Variants in AXDND1 observed in about 807,000 individuals in gnomAD.
AXDND1 encodes axonemal dynein light chain domain-containing protein 1.
In AXDND1, 110 loss-of-function variants were observed where a neutral mutation model predicts 137.5. The observed-to-expected ratio is 0.80, with a 90% CI of 0.69 to 0.94. The LOEUF is 0.94. Among genes scored for constraint, AXDND1 ranks in the 40% least tolerant of loss-of-function variants. The pLI is 0.00. For synonymous variants in AXDND1, 414 were observed against 399.7 expected (o/e 1.04, Z -0.43); for missense variants, 1,191 against 1,169.8 (o/e 1.02, Z -0.26).
At chr1:179,444,250 T>C (rs572889642) in intron 15 of AXDND1, among the ~76,000 whole-genome samples, 6 of 152,244 alleles carry the variant, frequency 3.9e-5, no homozygotes, top group Admixed American at 3.3e-4. Context: ...GCAAGTCTTA[T>C]AATCTCCATG....
chr1:179,456,656 A>G (rs1661453396), intron 16 of AXDND1: 1 of 849,552 alleles, frequency 1.2e-6, no homozygotes, highest in Non-Finnish European at 2.0e-6. Flanking sequence ...AGCTGCCACC[A>G]AAGCCATCAT....
At chr1:179,441,953 A>G (rs1340193103) in intron 15 of AXDND1, among the ~76,000 whole-genome samples, 1 of 152,210 alleles carries the variant, frequency 6.6e-6, no homozygotes, top group Non-Finnish European at 1.5e-5. Context: ...CCAAACACAG[A>G]TTCTAGCAAT....
intron 17 of AXDND1, among the ~76,000 whole-genome samples, chr1:179,471,818 C>G (rs1210133310): frequency 6.9e-6 from 1 of 145,792 alleles, no homozygotes; most frequent in Non-Finnish European, 1.5e-5. Context: ...TGAGATTTTT[C>G]TTCTTTCTTA....
At chr1:179,418,007 T>G (rs923831813) in intron 12 of AXDND1, among the ~76,000 whole-genome samples, 8 of 151,530 alleles carry the variant, frequency 5.3e-5, no homozygotes, top group Admixed American at 5.3e-4. Context: ...ATTTATTTTT[T>G]TATTGATCAT....
intron 13 of AXDND1, 87 bp downstream of exon 13, chr1:179,429,706 G>T: frequency 1.5e-6 from 1 of 689,162 alleles, no homozygotes. Context: ...TAAATTTATC[G>T]ATTTTAAAAA....
chr1:179,484,491 A>C (rs1410286287), intron 18 of AXDND1, among the ~76,000 whole-genome samples: 1 of 152,074 alleles, frequency 6.6e-6, no homozygotes, highest in African/African-American at 2.4e-5. Context: ...GCCTGTTTGC[A>C]GTGCAGCCTT....
chr1:179,484,854 A>C (rs1572034998), intron 18 of AXDND1, among the ~76,000 whole-genome samples: 1 of 152,160 alleles, frequency 6.6e-6, no homozygotes, highest in Non-Finnish European at 1.5e-5. Context: ...CAGTGGCCCC[A>C]CAATCTGTCC....
At chr1:179,437,404 C>T (rs1445628207) in intron 15 of AXDND1, among the ~76,000 whole-genome samples, 1 of 152,168 alleles carries the variant, frequency 6.6e-6, no homozygotes, top group Non-Finnish European at 1.5e-5. Context: ...TAGGTAACTT[C>T]AAGGAGCCTG....
intron 25 of AXDND1, chr1:179,551,697 T>G: frequency 1.9e-6 from 1 of 514,976 alleles, no homozygotes; most frequent in Non-Finnish European, 3.5e-6. Context: ...TTAGGGGAGT[T>G]ATTAGCATCT....
chr1:179,501,404 G>T (rs1324885225), intron 20 of AXDND1, among the ~76,000 whole-genome samples: 4 of 152,136 alleles, frequency 2.6e-5, no homozygotes, highest in African/African-American at 9.7e-5. Flanking sequence ...AGGAAATGAT[G>T]AACTTTCCAA....
intron 9 of AXDND1, among the ~76,000 whole-genome samples, chr1:179,389,762 G>T (rs1418833181): frequency 6.6e-6 from 1 of 152,134 alleles, no homozygotes; most frequent in African/African-American, 2.4e-5. Context: ...GATCTAGTTG[G>T]ATTGTAATGG....
chr1:179,422,028 G>A (rs1364260111), intron 12 of AXDND1, among the ~76,000 whole-genome samples: 5 of 132,616 alleles, frequency 3.8e-5, no homozygotes, highest in Non-Finnish European at 7.9e-5. Context: ...CAACAAGAAC[G>A]AAACTCCATC....
intron 17 of AXDND1, among the ~76,000 whole-genome samples, chr1:179,471,217 A>G (rs1000612175): frequency 6.6e-6 from 1 of 152,152 alleles, no homozygotes; most frequent in African/African-American, 2.4e-5. Context: ...GCCTGGTGTT[A>G]TATCAATGTA....
At chr1:179,447,680 C>T in intron 16 of AXDND1, 1 of 1,349,250 alleles carries the variant, frequency 7.4e-7, no homozygotes, top group South Asian at 1.2e-5. Flanking sequence ...AGATTACTGC[C>T]ACCTGGTGGA....
intron 4 of AXDND1, among the ~76,000 whole-genome samples, chr1:179,375,734 C>G (rs12724778): frequency 0.29 from 43,624 of 151,908 alleles, 6,467 homozygotes; most frequent in Non-Finnish European, 0.31. Flanking sequence ...ATCATCCTGA[C>G]AGCAGCTCAT....
intron 16 of AXDND1, chr1:179,448,725 G>T (rs77141049): frequency 0.016 from 2,686 of 166,386 alleles, 62 homozygotes; most frequent in African/African-American, 0.059. Context: ...TAATTTCAAT[G>T]AAGTCCATCC....
At chr1:179,430,385 A>G in intron 13 of AXDND1, 67 bp from the exon 14 acceptor site, 3 of 1,207,398 alleles carry the variant, frequency 2.5e-6, no homozygotes, top group Non-Finnish European at 3.4e-6. Context: ...ATGGCCTGGT[A>G]TATGTTAATG....
At chr1:179,513,695 A>AC (rs1424779577) in intron 21 of AXDND1, among the ~76,000 whole-genome samples, 1 of 151,400 alleles carries the variant, frequency 6.6e-6, no homozygotes, top group African/African-American at 2.4e-5. Context: ...CTGGTCCTGG[A>AC]CTTTTTTTTT....
At chr1:179,453,498 G>A (rs1234385095) in intron 16 of AXDND1, 1 of 152,362 alleles carries the variant, frequency 6.6e-6, no homozygotes, top group Non-Finnish European at 1.5e-5. Flanking sequence ...GGTCATTTTG[G>A]ACCTTTAAGA....
Sources: allele counts gnomAD v4.1 joint callset (sites outside exome capture counted in the v4.1 genomes callset), GRCh38; gene constraint gnomAD v4.1.1; transcripts MANE v1.5; gene names NCBI Gene and HGNC (gene_info 2026-07-23, HGNC 2026-07-21).